Variants in GRID1 observed in about 807,000 individuals in gnomAD.
GRID1 encodes glutamate receptor ionotropic, delta-1.
A neutral mutation model predicts 98.0 loss-of-function variants in GRID1; 28 were observed. That is an observed-to-expected ratio of 0.29 (90% CI 0.21 to 0.39). GRID1 has a LOEUF of 0.39. Among genes scored for constraint, GRID1 ranks in the 10% least tolerant of loss-of-function variants. The pLI, the probability that GRID1 is intolerant of heterozygous loss-of-function variation, is 1.00. For missense variants in GRID1, 1,111 were observed against 1,340.5 expected, an observed-to-expected ratio of 0.83 and a Z score of 2.67; for synonymous variants, 553 against 538.5, an observed-to-expected ratio of 1.03 and a Z score of -0.37.
chr10:85,939,723 T>G (rs1841973566), intron 4 of GRID1, among the ~76,000 whole-genome samples: 2 of 152,142 alleles, frequency 1.3e-5, no homozygotes, highest in South Asian at 4.2e-4. Flanking sequence ...TCTGCAACCT[T>G]AATTTTCTTT....
chr10:85,737,030 G>A (rs11201759), intron 8 of GRID1, among the ~76,000 whole-genome samples: 9,010 of 152,164 alleles, frequency 0.059, 505 homozygotes, highest in African/African-American at 0.15. Flanking sequence ...TTGGCAGTCA[G>A]AACCTAGTTA....
intron 3 of GRID1, among the ~76,000 whole-genome samples, chr10:86,193,230 C>T (rs940435331): frequency 6.6e-6 from 1 of 151,994 alleles, no homozygotes; most frequent in African/African-American, 2.4e-5. Context: ...CAGCTGGGGT[C>T]CCCCCAGCCT....
intron 2 of GRID1, among the ~76,000 whole-genome samples, chr10:86,211,333 G>C (rs778975757): frequency 6.6e-6 from 1 of 152,212 alleles, no homozygotes; most frequent in African/African-American, 2.4e-5. Context: ...TTGATGGACT[G>C]ATAAGGGCCC....
chr10:86,271,433 C>G (rs1040465644), intron 2 of GRID1, among the ~76,000 whole-genome samples: 3 of 152,068 alleles, frequency 2.0e-5, no homozygotes, highest in South Asian at 4.1e-4. Flanking sequence ...AAAAAATTTA[C>G]CCATGTGAAG....
chr10:86,313,569 C>T (rs950341003), intron 2 of GRID1, among the ~76,000 whole-genome samples: 1 of 152,176 alleles, frequency 6.6e-6, no homozygotes, highest in African/African-American at 2.4e-5. Context: ...GGGGAGTCTC[C>T]GTGGCAGGGA....
At chr10:86,025,968 A>G (rs202078943) in intron 4 of GRID1, among the ~76,000 whole-genome samples, 1,584 of 152,330 alleles carry the variant, frequency 0.01, 29 homozygotes, top group African/African-American at 0.036. Flanking sequence ...GCCCTGGGGC[A>G]GGGGAGCAGC....
At chr10:86,264,418 A>C in intron 2 of GRID1, among the ~76,000 whole-genome samples, 1 of 152,150 alleles carries the variant, frequency 6.6e-6, no homozygotes, top group East Asian at 1.9e-4. Flanking sequence ...ACTACCCCAG[A>C]GGGAGGAATC....
At chr10:85,895,014 A>ATATAT (rs1322282990) in intron 5 of GRID1, among the ~76,000 whole-genome samples, 253 of 108,564 alleles carry the variant, frequency 2.3e-3, no homozygotes, top group South Asian at 5.7e-3. Flanking sequence ...AAAAAAAAAA[A>ATATAT]AAATATATAT....
At chr10:85,776,721 C>T (rs1044454877) in intron 8 of GRID1, among the ~76,000 whole-genome samples, 1 of 152,228 alleles carries the variant, frequency 6.6e-6, no homozygotes, top group Non-Finnish European at 1.5e-5. Flanking sequence ...GCCCAACATC[C>T]TCTGCCAACG....
chr10:85,625,328 C>G (rs1440433988), intron 13 of GRID1, among the ~76,000 whole-genome samples: 3 of 152,234 alleles, frequency 2.0e-5, no homozygotes, highest in Non-Finnish European at 4.4e-5. Context: ...CCTGGGAGAG[C>G]TCTCAGACCT....
intron 12 of GRID1, among the ~76,000 whole-genome samples, chr10:85,696,966 T>C (rs1483144612): frequency 6.6e-6 from 1 of 152,104 alleles, no homozygotes; most frequent in Non-Finnish European, 1.5e-5. Flanking sequence ...ATTTTTAAAG[T>C]AATTAATTGT....
In GRID1 at chr10:85,602,471, T is replaced by A. The variant is rs753135378; in HGVS notation, c.2832A>T (p.Ser944=). 1.9e-6 allele frequency: 3 copies of A among 1,610,972 alleles called. No homozygotes were observed. Among genetic ancestry groups the A allele is most frequent in the East Asian group, 2.2e-5 (1 of 44,850 alleles). ...QSSHGTSRTL[S]SGPSSNLPLP... ...GCGGCAGGTTGCTGCTGGGCCCTGATGAGAGTGTCCGGCTGGTGCCATGGC... is the reference window on the plus strand; with the variant it reads ...GCGGCAGGTTGCTGCTGGGCCCTGAAGAGAGTGTCCGGCTGGTGCCATGGC... The change falls in exon 16 of 16, where the codon TCA becomes TCT. Residue 944 remains serine (S), a synonymous_variant. Coordinates refer to ENST00000327946, the MANE Select transcript of GRID1 (RefSeq NM_017551.3).
intron 5 of GRID1, among the ~76,000 whole-genome samples, chr10:85,891,592 C>A (rs185368046): frequency 7.9e-5 from 12 of 152,278 alleles, no homozygotes; most frequent in African/African-American, 2.6e-4. Context: ...CATAACTAAA[C>A]CCCCTGAATC....
intron 8 of GRID1, among the ~76,000 whole-genome samples, chr10:85,834,547 T>A (rs1842896204): frequency 6.6e-6 from 1 of 152,078 alleles, no homozygotes. Context: ...ATACTATCCT[T>A]CTTCTTCTGA....
intron 8 of GRID1, among the ~76,000 whole-genome samples, chr10:85,853,627 A>G (rs1485466541): frequency 6.6e-6 from 1 of 152,244 alleles, no homozygotes; most frequent in Non-Finnish European, 1.5e-5. Flanking sequence ...CCAAGCCAGT[A>G]GAGTTGGGCT....
chr10:86,262,967 T>C (rs1178544914), intron 2 of GRID1, among the ~76,000 whole-genome samples: 2 of 146,894 alleles, frequency 1.4e-5, no homozygotes, highest in Non-Finnish European at 3.0e-5. Flanking sequence ...GCTGCGTTTG[T>C]GGGAAACCAG....
intron 4 of GRID1, among the ~76,000 whole-genome samples, chr10:85,972,101 C>T (rs927520083): frequency 6.6e-6 from 1 of 151,894 alleles, no homozygotes; most frequent in Non-Finnish European, 1.5e-5. Context: ...CAGACATCTC[C>T]TGTGGATCTC....
intron 8 of GRID1, among the ~76,000 whole-genome samples, chr10:85,730,989 A>G (rs1841815491): frequency 6.6e-6 from 1 of 152,190 alleles, no homozygotes; most frequent in Non-Finnish European, 1.5e-5. Context: ...GAAGAGAAGA[A>G]GAACTCCAGT....
intron 8 of GRID1, among the ~76,000 whole-genome samples, chr10:85,789,791 T>A (rs1842461951): frequency 6.6e-6 from 1 of 151,986 alleles, no homozygotes; most frequent in South Asian, 2.1e-4. Flanking sequence ...AGGGGGTGGG[T>A]CCTGAACATC....
Sources: allele counts gnomAD v4.1 joint callset (sites outside exome capture counted in the v4.1 genomes callset), GRCh38; gene constraint gnomAD v4.1.1; transcripts MANE v1.5; gene names NCBI Gene and HGNC (gene_info 2026-07-23, HGNC 2026-07-21).